PTGER3: variants seen among roughly 807,000 people sequenced by gnomAD.
The protein encoded by PTGER3 is prostaglandin E2 receptor EP3 subtype.
A neutral mutation model predicts 34.7 loss-of-function variants in PTGER3; 22 were observed. That is an observed-to-expected ratio of 0.63 (90% CI 0.45 to 0.91). The LOEUF is 0.91. PTGER3 is among the 40% of genes least tolerant of loss of function. The pLI is 0.00. For missense variants in PTGER3, 468 were observed against 519.4 expected, an observed-to-expected ratio of 0.90 and a Z score of 0.96; for synonymous variants, 241 against 230.1, an observed-to-expected ratio of 1.05 and a Z score of -0.43.
chr1:70,926,487 T>C (rs1286508451), intron 4 of PTGER3, among the ~76,000 whole-genome samples: 1 of 152,164 alleles, frequency 6.6e-6, no homozygotes, highest in Non-Finnish European at 1.5e-5. Context: ...TGTTTGTCTG[T>C]TATTGGTGTA....
intron 4 of PTGER3, among the ~76,000 whole-genome samples, chr1:70,934,706 C>A (rs752463635): frequency 6.6e-6 from 1 of 152,128 alleles, no homozygotes; most frequent in Non-Finnish European, 1.5e-5. Flanking sequence ...GATTTGCCTA[C>A]CTCAATGTGA....
At chr1:71,000,822 C>T (rs1656404945) in intron 2 of PTGER3, among the ~76,000 whole-genome samples, 1 of 152,118 alleles carries the variant, frequency 6.6e-6, no homozygotes, top group South Asian at 2.1e-4. Context: ...AATTACAGTA[C>T]TACTGATTCC....
intron 4 of PTGER3, among the ~76,000 whole-genome samples, chr1:70,926,699 C>T (rs1034345238): frequency 6.0e-4 from 91 of 151,918 alleles, no homozygotes; most frequent in African/African-American, 2.2e-3. Context: ...TTGTCCTGGC[C>T]AGAACTTCCA....
chr1:70,973,975 G>T (rs2072946), intron 3 of PTGER3, among the ~76,000 whole-genome samples: 2 of 151,932 alleles, frequency 1.3e-5, no homozygotes, highest in Non-Finnish European at 2.9e-5. Flanking sequence ...AATTAAAATA[G>T]GAGTGGCCTA....
At chr1:70,997,243 G>C (rs1172779112) in intron 2 of PTGER3, 1 of 152,144 alleles carries the variant, frequency 6.6e-6, no homozygotes, top group Non-Finnish European at 1.5e-5. Context: ...CTGCACTCCA[G>C]CCTGGGTGAC....
downstream of PTGER3, among the ~76,000 whole-genome samples, chr1:70,952,038 G>C (rs1285631941): frequency 1.3e-5 from 2 of 152,208 alleles, 1 homozygote; most frequent in South Asian, 4.1e-4. Flanking sequence ...AAGAACCTGG[G>C]GCAGGAAAGA....
At chr1:70,910,390 T>A (rs1647036081) in intron 4 of PTGER3, among the ~76,000 whole-genome samples, 1 of 152,144 alleles carries the variant, frequency 6.6e-6, no homozygotes, top group Non-Finnish European at 1.5e-5. Flanking sequence ...ATGGTGTTTG[T>A]GACTTTATTT....
chr1:70,984,863 A>C (rs544733164), intron 2 of PTGER3, among the ~76,000 whole-genome samples: 8 of 152,246 alleles, frequency 5.3e-5, no homozygotes, highest in Non-Finnish European at 1.0e-4. Context: ...TACACAATTT[A>C]GAAAAATTAA....
intron 2 of PTGER3, among the ~76,000 whole-genome samples, chr1:70,979,448 G>C (rs1043207455): frequency 6.6e-6 from 1 of 151,872 alleles, no homozygotes; most frequent in South Asian, 2.1e-4. Context: ...TCTGTACAGA[G>C]AATACAGACA....
chr1:70,959,258 G>A (rs1452221779), intron 2 of PTGER3, among the ~76,000 whole-genome samples: 1 of 152,124 alleles, frequency 6.6e-6, no homozygotes, highest in African/African-American at 2.4e-5. Flanking sequence ...AGATTGCATT[G>A]AATCTGTAGA....
intron 2 of PTGER3, among the ~76,000 whole-genome samples, chr1:70,954,103 G>A (rs192583327): frequency 9.2e-5 from 14 of 152,124 alleles, no homozygotes; most frequent in African/African-American, 3.1e-4. Context: ...TCTGTCACAC[G>A]CTGCTCCCAG....
chr1:71,010,084 T>C, intron 2 of PTGER3: 2 of 985,224 alleles, frequency 2.0e-6, no homozygotes, highest in Non-Finnish European at 2.4e-6. Context: ...TCCTAAAATA[T>C]ATCCCCTGGG....
chr1:70,900,740 T>C (rs953393418), intron 4 of PTGER3, among the ~76,000 whole-genome samples: 1 of 152,164 alleles, frequency 6.6e-6, no homozygotes, highest in African/African-American at 2.4e-5. Context: ...CAGCCTTCTG[T>C]AGAGCACCCC....
chr1:70,942,275 T>C (rs1341364235), intron 4 of PTGER3, among the ~76,000 whole-genome samples: 1 of 152,198 alleles, frequency 6.6e-6, no homozygotes, highest in Non-Finnish European at 1.5e-5. Context: ...AGAGAGTTGC[T>C]GGTGGACCTG....
chr1:70,970,079 A>G (rs1252576510), downstream of PTGER3, among the ~76,000 whole-genome samples: 1 of 152,200 alleles, frequency 6.6e-6, no homozygotes, highest in African/African-American at 2.4e-5. Flanking sequence ...TGTAAACAGA[A>G]TATCACTGCA....
At chr1:71,020,991 C>G (rs955552153) in intron 1 of PTGER3, among the ~76,000 whole-genome samples, 1 of 151,930 alleles carries the variant, frequency 6.6e-6, no homozygotes, top group Non-Finnish European at 1.5e-5. Context: ...ATATAGCATA[C>G]CTCTTCCCAT....
chr1:71,021,256 C>T (rs754573275), intron 1 of PTGER3, among the ~76,000 whole-genome samples: 10 of 152,166 alleles, frequency 6.6e-5, no homozygotes, highest in Non-Finnish European at 1.2e-4. Flanking sequence ...CAGCAGCCCG[C>T]TACCACATTA....
At chr1:70,981,388 TTTCTTTCC>T (rs1332291117) in intron 2 of PTGER3, among the ~76,000 whole-genome samples, 1,335 of 39,474 alleles carry the variant, frequency 0.034, 13 homozygotes, top group Middle Eastern at 0.062. Flanking sequence ...TCTTTCTTTC[TTTCTTTCC>T]TTCCTTCCTT....
At chr1:70,898,030 G>C (rs1282051917) in intron 4 of PTGER3, among the ~76,000 whole-genome samples, 1 of 152,182 alleles carries the variant, frequency 6.6e-6, no homozygotes, top group African/African-American at 2.4e-5. Context: ...TTGGGGAGTG[G>C]GTAATTGGAA....
Sources: allele counts gnomAD v4.1 joint callset (sites outside exome capture counted in the v4.1 genomes callset), GRCh38; gene constraint gnomAD v4.1.1; transcripts MANE v1.5; gene names NCBI Gene and HGNC (gene_info 2026-07-23, HGNC 2026-07-21).